The following ZNF296 variants were observed in gnomAD, a reference collection of about 807,000 sequenced individuals.
The protein encoded by ZNF296 is zinc finger protein 296, also known as zinc finger protein 342.
Under a neutral mutation model 13.2 loss-of-function variants are expected in ZNF296, and 1 was observed. The observed-to-expected ratio is 0.08, with a 90% CI of 0.03 to 0.36. The LOEUF (loss-of-function observed/expected upper bound fraction) is 0.36, where lower values mean the gene tolerates loss of function less well. Among genes scored for constraint, ZNF296 ranks in the 10% least tolerant of loss-of-function variants. The pLI is 0.99. For synonymous variants in ZNF296, 303 were observed against 289.0 expected, an observed-to-expected ratio of 1.05 and a Z score of -0.49; for missense variants, 555 against 688.2, an observed-to-expected ratio of 0.81 and a Z score of 2.16.
At chr19:45,074,394 G>A (rs1600125168) in intron 2 of ZNF296, among the ~76,000 whole-genome samples, 4 of 152,108 alleles carry the variant, frequency 2.6e-5, no homozygotes, top group South Asian at 2.1e-4. Flanking sequence ...AAAGCTTAGC[G>A]GCCACCTAGT....
intron 2 of ZNF296, among the ~76,000 whole-genome samples, chr19:45,072,971 C>T (rs1372777440): frequency 1.3e-5 from 2 of 152,108 alleles, no homozygotes; most frequent in Non-Finnish European, 2.9e-5. Flanking sequence ...AGGCTGGTCT[C>T]GAACTCTTGG....
rs1195073966 is a variant in ZNF296, at chr19:45,072,587, A to G, written c.449-7T>C. ...GCCTTCAGCTCCTCTCGTTCTGGTA[A>G]GAAAAAGAGGCAGAGTGTTAGTGCG... On this transcript the variant is annotated splice_polypyrimidine_tract_variant and splice_region_variant and intron_variant, in intron 2 of 2. Coordinates refer to ENST00000303809, the MANE Select transcript of ZNF296 (RefSeq NM_145288.3). 2.5e-6 allele frequency: 4 copies of G among 1,584,692 alleles called. No individual in the cohort carries two copies. Among genetic ancestry groups the G allele is most frequent in the Middle Eastern group, 3.4e-4 (2 of 5,912 alleles).
intron 2 of ZNF296, among the ~76,000 whole-genome samples, chr19:45,075,099 T>G (rs936877772): frequency 8.5e-5 from 13 of 152,150 alleles, no homozygotes; most frequent in Admixed American, 8.5e-4. Flanking sequence ...TGTGAAGGCT[T>G]TTAATTCCCT....
At chr19:45,074,393 C>T (rs1243285483) in intron 2 of ZNF296, among the ~76,000 whole-genome samples, 2 of 152,126 alleles carry the variant, frequency 1.3e-5, no homozygotes, top group Admixed American at 6.6e-5. Context: ...GAAAGCTTAG[C>T]GGCCACCTAG....
In ZNF296 at chr19:45,072,438, C is replaced by T. The variant is rs1010135656; in HGVS notation, c.591G>A (p.Leu197=). 1.2e-6 allele frequency: 2 copies of T among 1,612,710 alleles called. No homozygotes were observed. Among genetic ancestry groups the T allele is most frequent in the South Asian group, 1.1e-5 (1 of 91,078 alleles). The change falls in exon 3 of 3, where the codon CTG becomes CTA. Residue 197 remains leucine, a synonymous_variant. Coordinates refer to ENST00000303809, the MANE Select transcript of ZNF296 (RefSeq NM_145288.3). ...CGGCTGCAGCCACCTCGGCCAGGCC[C>T]AGGAGCGGGGCCTCCGGGGCCTCTG... ...TESEAPEAPL[L]GLAEVAAAVS...
intron 2 of ZNF296, 71 bp downstream of exon 2, chr19:45,075,642 A>C: frequency 6.4e-7 from 1 of 1,568,754 alleles, no homozygotes; most frequent in Non-Finnish European, 8.7e-7. Flanking sequence ...CCTGCCGTCC[A>C]GCCCAGCCCC....
Position 45,071,615 on chromosome 19 carries a change from C to T in ZNF296, c.1414G>A (p.Ala472Thr), listed in dbSNP as rs766644423. ...CTTTCCTGGGCTCAGGCCTCGCCGGCCGCCTCAGGGTGCTTCTGCCGCAGG... is the reference window on the plus strand; with the variant it reads ...CTTTCCTGGGCTCAGGCCTCGCCGGTCGCCTCAGGGTGCTTCTGCCGCAGG... ...KHLRQKHPEA[A>T]GEA The change falls in exon 3 of 3, where the codon GCC becomes ACC. Residue 472 changes from alanine to threonine, a missense_variant. Coordinates refer to ENST00000303809, the MANE Select transcript of ZNF296 (RefSeq NM_145288.3). The T allele has an allele frequency of 5.9e-6, 9 of 1,516,720 alleles. No homozygotes were observed. The highest frequency in any genetic ancestry group is 6.1e-6 in the Non-Finnish European group (7 of 1,139,308). 94.0% of individuals were successfully genotyped at this position (1,516,720 alleles called of 1,614,324 possible). A position where few individuals can be genotyped will look rare whatever the true frequency, so the allele number is the denominator to read the frequency against.
intron 2 of ZNF296, 78 bp from the exon 3 acceptor site, chr19:45,072,658 G>A: frequency 6.7e-7 from 1 of 1,495,962 alleles, no homozygotes; most frequent in Admixed American, 2.2e-5. Context: ...CACTCCTGCA[G>A]GGGCAAAGGA....
intron 2 of ZNF296, among the ~76,000 whole-genome samples, chr19:45,074,351 ACT>A (rs2122634338): frequency 6.6e-6 from 1 of 152,216 alleles, no homozygotes; most frequent in African/African-American, 2.4e-5. Context: ...ACAGAGTAAG[ACT>A]CCACCTCAAA....
rs929177252 is a variant in ZNF296 at position 45,071,697 on chromosome 19, G to A, written c.1332C>T (p.Arg444=). 2.5e-6 allele frequency: 4 copies of A among 1,586,780 alleles called. No individual in the cohort carries two copies. The African/African-American group carries it at 4.0e-5, about 16-fold the overall frequency. Residue 444 remains arginine (R), a synonymous_variant, in exon 3 of 3, where the codon CGC becomes CGT. Transcript: ENST00000303809. ...GCACATGGCAGTGGGGGCACTCGAA[G>A]CGGGTGCTGCCAGGCGTCATGCCGT... ...RMHGMTPGST[R]FECPHCHVPF...
Position 45,071,532 on chromosome 19 carries a change from G to T in ZNF296, c.*69C>A. The T allele has an allele frequency of 6.7e-7, 1 of 1,490,208 alleles. No homozygotes were observed. Among genetic ancestry groups the T allele is most frequent in the Non-Finnish European group, 8.9e-7 (1 of 1,128,318 alleles). 92.3% of individuals were successfully genotyped at this position (1,490,208 alleles called of 1,614,324 possible). On this transcript the variant is annotated 3_prime_UTR_variant, in exon 3 of 3. Transcript: ENST00000303809. ...AAGGGAAAATTTACTTGGAGAAGGC[G>T]GGCAAAAACGAGGAGGTCAATGGGT... is the stretch of plus-strand genomic sequence containing the variant.
At chr19:45,073,056 G>A (rs1037376995) in intron 2 of ZNF296, among the ~76,000 whole-genome samples, 33 of 152,168 alleles carry the variant, frequency 2.2e-4, no homozygotes, top group Admixed American at 3.3e-4. Flanking sequence ...TGGGCCATGT[G>A]TTTGAAAATC....
At position 45,071,504 on chromosome 19, in the gene ZNF296, TAAAAG is replaced by T. The variant is rs1967253410; in HGVS notation, c.*92_*96del. 1 of 1,480,864 alleles carries T rather than the reference TAAAAG, an allele frequency of 6.8e-7. No individual in the cohort carries two copies. The highest frequency in any genetic ancestry group is 1.4e-5 in the African/African-American group (1 of 71,256). The allele number at this position is 1,480,864 out of a possible 1,614,324, so 91.7% of individuals were successfully genotyped here. On this transcript the variant is annotated 3_prime_UTR_variant, in exon 3 of 3. Coordinates refer to ENST00000303809, the MANE Select transcript of ZNF296 (RefSeq NM_145288.3). The stretch of plus-strand genomic sequence containing the variant: ...AAGCCAGAGTCCAGACGGGTGTAAA[TAAAAG>T]GGAAAATTTACTTGGAGAAGGCGGG...
intron 2 of ZNF296, 148 bp downstream of exon 2, chr19:45,075,565 G>T (rs1426387789): frequency 6.0e-6 from 3 of 503,824 alleles, no homozygotes; most frequent in Admixed American, 3.7e-5. Context: ...CCCTAGGACG[G>T]GCAGGCCCTG....
In ZNF296 at chr19:45,076,009, C is replaced by A; in HGVS notation, c.298+67G>T. 6.4e-7 allele frequency: 1 copy of A among 1,566,996 alleles called. No homozygotes were observed. Among genetic ancestry groups the A allele is most frequent in the African/African-American group, 1.4e-5 (1 of 73,026 alleles). ...TAAGGCAGGGCGAGGGGCCCATGCC[C>A]AAAGGGAAGGGTCCCACCCGAGGGT... On this transcript the variant is annotated intron_variant, in intron 1 of 2. Transcript: ENST00000303809. The surrounding 1 kb of genome is among the most constrained non-coding windows in gnomAD (Gnocchi z 4.9).
Position 45,071,823 on chromosome 19 carries a change from C to T in ZNF296, c.1206G>A (p.Thr402=), listed in dbSNP as rs781131463. Residue 402 remains threonine (T), a synonymous_variant, in exon 3 of 3, where the codon ACG becomes ACA. Transcript: ENST00000303809. ...GKHFTNSSNL[T]VHRRSHTGER... ...CCCCGGTGTGTGAGCGCCGGTGCAC[C>T]GTCAGGTTGCTGCTGTTGGTAAAAT... 3.1e-6 allele frequency: 5 copies of T among 1,612,012 alleles called. No homozygotes were observed. The highest frequency in any genetic ancestry group is 1.7e-4 in the Middle Eastern group (1 of 6,052).
At chr19:45,075,233 C>T (rs1447090628) in intron 2 of ZNF296, among the ~76,000 whole-genome samples, 1 of 152,176 alleles carries the variant, frequency 6.6e-6, no homozygotes, top group Non-Finnish European at 1.5e-5. Flanking sequence ...TGGCTCTGAA[C>T]ACTCAGCTGT....
Position 45,076,412 on chromosome 19 carries a change from G to C in ZNF296, c.-39C>G, listed in dbSNP as rs1481629057. ...GGCGAGCGAGCGGGCGGGCAGGCAG[G>C]CAGGCGGGCGGGCGGAGGACGCACG... On this transcript the variant is annotated 5_prime_UTR_variant, in exon 1 of 3. Transcript: ENST00000303809. This position sits in a 1 kb window ranked among gnomAD's most constrained non-coding sequence, Gnocchi z 4.9. 2.4e-6 allele frequency: 3 copies of C among 1,224,870 alleles called. No homozygotes were observed. Among genetic ancestry groups the C allele is most frequent in the African/African-American group, 3.1e-5 (2 of 63,712 alleles). 75.9% of individuals were successfully genotyped at this position (1,224,870 alleles called of 1,614,324 possible).
chr19:45,074,226 T>G (rs1381298015), intron 2 of ZNF296, among the ~76,000 whole-genome samples: 1 of 151,408 alleles, frequency 6.6e-6, no homozygotes, highest in Non-Finnish European at 1.5e-5. Flanking sequence ...CTGGCCATGG[T>G]GGTGCACGCC....
Sources: gnomAD v4.1 joint callset for allele counts (sites outside exome capture counted in the v4.1 genomes callset) on GRCh38, gnomAD v4.1.1 for gene constraint, Gnocchi (gnomAD v3.1) non-coding constraint, MANE v1.5 for transcripts, NCBI Gene and HGNC (gene_info 2026-07-23, HGNC 2026-07-21) for gene names.